Variants in DTD1 observed in about 807,000 individuals in gnomAD.
DTD1 encodes the protein D-aminoacyl-tRNA deacylase 1.
A neutral mutation model predicts 25.6 loss-of-function variants in DTD1; 13 were observed. That is an observed-to-expected ratio of 0.51 (90% confidence interval 0.33 to 0.81). DTD1 has a LOEUF of 0.81. Among genes scored for constraint, DTD1 ranks in the 30% least tolerant of loss-of-function variants. The pLI, the probability that DTD1 is intolerant of heterozygous loss-of-function variation, is 0.02. For missense variants in DTD1, 193 were observed against 266.4 expected (o/e 0.72, Z 1.92); for synonymous variants, 110 against 103.6 (o/e 1.06, Z -0.37).
chr20:18,700,059 G>A (rs952934589), intron 4 of DTD1, among the ~76,000 whole-genome samples: 1 of 152,180 alleles, frequency 6.6e-6, no homozygotes, highest in Non-Finnish European at 1.5e-5. Flanking sequence ...ATTTAGGTGT[G>A]TCTCAGCCTC....
At chr20:18,695,157 C>CT (rs1377060450) in intron 4 of DTD1, among the ~76,000 whole-genome samples, 1 of 152,046 alleles carries the variant, frequency 6.6e-6, no homozygotes, top group African/African-American at 2.4e-5. Context: ...GAAAAAATCC[C>CT]TTTTCCCTTG....
chr20:18,708,218 A>T (rs375503041), intron 4 of DTD1, among the ~76,000 whole-genome samples: 84 of 5,572 alleles, frequency 0.015, 2 homozygotes, highest in Non-Finnish European at 0.031. Context: ...TTATATATAT[A>T]ATATATATAT....
chr20:18,730,428 T>G (rs1462366689), intron 4 of DTD1, among the ~76,000 whole-genome samples: 1 of 152,224 alleles, frequency 6.6e-6, no homozygotes, highest in Non-Finnish European at 1.5e-5. Flanking sequence ...ATCACCAACA[T>G]AAAATATTCC....
intron 4 of DTD1, among the ~76,000 whole-genome samples, chr20:18,677,921 G>GA (rs2122404860): frequency 6.6e-6 from 1 of 152,350 alleles, no homozygotes; most frequent in South Asian, 2.1e-4. Flanking sequence ...ACACAAGTGT[G>GA]ATCTTAAACA....
intron 2 of DTD1, 113 bp from the exon 3 acceptor site, chr20:18,595,893 G>C: frequency 2.3e-6 from 2 of 853,108 alleles, no homozygotes; most frequent in Non-Finnish European, 3.9e-6. Context: ...GTCAGGGATG[G>C]AGTCATCATT....
At chr20:18,678,299 A>G (rs1338010502) in intron 4 of DTD1, among the ~76,000 whole-genome samples, 6 of 152,298 alleles carry the variant, frequency 3.9e-5, no homozygotes, top group African/African-American at 1.2e-4. Flanking sequence ...GGTGAGAGGA[A>G]ATAGAGCTGA....
chr20:18,710,547 A>C (rs1321442713), intron 4 of DTD1, among the ~76,000 whole-genome samples: 2 of 152,252 alleles, frequency 1.3e-5, no homozygotes, highest in Non-Finnish European at 2.9e-5. Flanking sequence ...ATAAAATTCT[A>C]CCACATGAAA....
intron 4 of DTD1, among the ~76,000 whole-genome samples, chr20:18,635,653 G>A (rs1174862358): frequency 6.6e-6 from 1 of 152,238 alleles, no homozygotes; most frequent in Non-Finnish European, 1.5e-5. Flanking sequence ...GTATGAAAGG[G>A]TGGGAGCTTA....
intron 4 of DTD1, among the ~76,000 whole-genome samples, chr20:18,689,703 A>G (rs1568669877): frequency 6.6e-6 from 1 of 152,168 alleles, no homozygotes; most frequent in Non-Finnish European, 1.5e-5. Flanking sequence ...GCACTGTCCA[A>G]TAGAATTTTT....
At chr20:18,740,406 C>A (rs2061272957) in intron 4 of DTD1, among the ~76,000 whole-genome samples, 1 of 151,914 alleles carries the variant, frequency 6.6e-6, no homozygotes, top group Admixed American at 6.6e-5. Context: ...ACTTTCTCAG[C>A]ATCTAATTTG....
At chr20:18,633,680 C>T (rs181202581) in intron 4 of DTD1, among the ~76,000 whole-genome samples, 30 of 152,272 alleles carry the variant, frequency 2.0e-4, no homozygotes, top group Admixed American at 4.6e-4. Context: ...TTTAGCTGAC[C>T]TTTAAGGATA....
chr20:18,720,913 A>G (rs2061200625), intron 4 of DTD1, among the ~76,000 whole-genome samples: 1 of 152,194 alleles, frequency 6.6e-6, no homozygotes, highest in South Asian at 2.1e-4. Flanking sequence ...GATTTCCTTA[A>G]GACACATTAA....
chr20:18,753,913 G>A (rs752692521), intron 5 of DTD1, among the ~76,000 whole-genome samples: 29 of 152,152 alleles, frequency 1.9e-4, no homozygotes, highest in Non-Finnish European at 4.0e-4. Context: ...GAGCTTGCTG[G>A]AATCTAACAG....
chr20:18,740,578 T>G (rs2061273964), intron 4 of DTD1, among the ~76,000 whole-genome samples: 1 of 152,210 alleles, frequency 6.6e-6, no homozygotes, highest in Non-Finnish European at 1.5e-5. Context: ...TTCAAGATAT[T>G]TGGATTTTAT....
At chr20:18,616,781 C>T (rs910644659) in intron 3 of DTD1, among the ~76,000 whole-genome samples, 5 of 152,100 alleles carry the variant, frequency 3.3e-5, no homozygotes, top group Non-Finnish European at 7.4e-5. Context: ...CACTCTAGCC[C>T]GGGTGATAGA....
chr20:18,610,673 G>A (rs984869713), intron 3 of DTD1, among the ~76,000 whole-genome samples: 1 of 152,210 alleles, frequency 6.6e-6, no homozygotes, highest in African/African-American at 2.4e-5. Flanking sequence ...ACTTTGGGAG[G>A]CCAAGACGGG....
chr20:18,682,480 T>C (rs1194613241), intron 4 of DTD1, among the ~76,000 whole-genome samples: 1 of 152,180 alleles, frequency 6.6e-6, no homozygotes. Context: ...CCAGAGTAAA[T>C]GTATGTTCCT....
In DTD1 at chr20:18,615,737, C is replaced by T. The variant is rs372793806; in HGVS notation, c.371-12390C>T. On this transcript the variant is annotated intron_variant, in intron 3 of 5. Coordinates refer to ENST00000377452, the MANE Select transcript of DTD1 (RefSeq NM_080820.6). ...TTCAAAAGGATTACCTGTATATTCTCTGCTGGGTCTGATTTGTTGTGGGCA... is the reference window on the plus strand; with the variant it reads ...TTCAAAAGGATTACCTGTATATTCTTTGCTGGGTCTGATTTGTTGTGGGCA... 6.9e-4 allele frequency among the ~76,000 whole-genome samples: 105 copies of T among 152,254 alleles called. No individual in the cohort carries two copies. In the South Asian group the frequency reaches 0.016, roughly 24 times the overall value.
intron 5 of DTD1, among the ~76,000 whole-genome samples, chr20:18,745,799 GA>G (rs1219283340): frequency 1.3e-5 from 2 of 152,148 alleles, no homozygotes; most frequent in Admixed American, 6.5e-5. Context: ...CAACCCTGAG[GA>G]ATTTGGATTT....
Sources: gnomAD v4.1 joint callset for allele counts (sites outside exome capture counted in the v4.1 genomes callset) on GRCh38, gnomAD v4.1.1 for gene constraint, MANE v1.5 for transcripts, NCBI Gene and HGNC (gene_info 2026-07-23, HGNC 2026-07-21) for gene names.